CHD2: variants seen among roughly 807,000 people sequenced by gnomAD.
CHD2 encodes ATP-dependent chromatin remodeler CHD2.
A neutral mutation model predicts 243.9 loss-of-function variants in CHD2; 28 were observed. The ratio of observed to expected loss-of-function variants is 0.11; its 90% CI spans 0.09 to 0.16. CHD2 has a LOEUF of 0.16. Among genes scored for constraint, CHD2 ranks in the 10% least tolerant of loss-of-function variants. The probability of loss-of-function intolerance (pLI) is 1.00; values close to 1 mark genes in which losing one functional copy is unlikely to be tolerated. For missense variants in CHD2, 1,386 were observed against 2,209.8 expected (o/e 0.63, Z 7.47); for synonymous variants, 775 against 779.0 (o/e 0.99, Z 0.09).
chr15:92,984,648 G>T (rs1490888638), intron 25 of CHD2, 148 bp downstream of exon 25: 3 of 659,850 alleles, frequency 4.5e-6, no homozygotes, highest in Non-Finnish European at 4.5e-6. Context: ...CTTAACAAAG[G>T]AAAGTGGAGA....
chr15:92,906,037 TATTTAAG>T (rs2052615330), intron 2 of CHD2, among the ~76,000 whole-genome samples: 1 of 152,250 alleles, frequency 6.6e-6, no homozygotes, highest in Non-Finnish European at 1.5e-5. Flanking sequence ...ACTATTCTGT[TATTTAAG>T]ATATTTTAAC....
At chr15:92,946,286 T>C (rs1435885155) in intron 12 of CHD2, 70 bp downstream of exon 12, 3 of 1,208,450 alleles carry the variant, frequency 2.5e-6, no homozygotes, top group Non-Finnish European at 3.3e-6. Flanking sequence ...GACACATATG[T>C]GCTGAGAAAA....
intron 37 of CHD2, among the ~76,000 whole-genome samples, chr15:93,015,987 C>T (rs1017630074): frequency 1.3e-5 from 2 of 152,190 alleles, no homozygotes; most frequent in Non-Finnish European, 1.5e-5. Flanking sequence ...CCATATGATG[C>T]AGCAGTCCCT....
In CHD2 at chr15:93,020,300, A is replaced by C. The variant is rs529364587; in HGVS notation, c.5153+42A>C. 50 of 1,613,158 alleles carry C rather than the reference A, an allele frequency of 3.1e-5. 1 individual carries two copies. The South Asian group carries it at 5.1e-4, about 16-fold the overall frequency. On this transcript the variant is annotated intron_variant, in intron 38 of 38. Coordinates refer to ENST00000394196, the MANE Select transcript of CHD2 (RefSeq NM_001271.4). ...GAGACACCAGGTGCCAACCTTTGCC[A>C]GGAGCTGTTTCTAGGGAGAAAGTGA...
chr15:92,970,597 T>G (rs190275392), intron 17 of CHD2, among the ~76,000 whole-genome samples: 1 of 152,342 alleles, frequency 6.6e-6, no homozygotes, highest in African/African-American at 2.4e-5. Flanking sequence ...TTGAATATCC[T>G]CCTTTCTCTT....
intron 26 of CHD2, among the ~76,000 whole-genome samples, chr15:92,987,616 G>GA (rs34625310): frequency 1.5e-4 from 22 of 143,808 alleles, no homozygotes; most frequent in African/African-American, 4.4e-4. Flanking sequence ...AAAGAAGAAG[G>GA]AAAAAAAAAA....
Position 93,026,210 on chromosome 15 carries a change from C to T in CHD2, c.*1505C>T, listed in dbSNP as rs1193044011. 1 of 152,654 alleles carries T rather than the reference C, an allele frequency of 6.6e-6. No individual in the cohort carries two copies. The highest frequency in any genetic ancestry group is 1.5e-5 in the Non-Finnish European group (1 of 68,054). The allele number at this position is 152,654 out of a possible 1,614,324, so 9.5% of individuals were successfully genotyped here. A position where few individuals can be genotyped will look rare whatever the true frequency, so the allele number is the denominator to read the frequency against. The stretch of plus-strand genomic sequence containing the variant: ...ATGGAGACAGAATAACTGACTTGAA[C>T]ATACAGTGTGCCTGTAAGTGTCCAG... On this transcript the variant is annotated 3_prime_UTR_variant, in exon 39 of 39. Coordinates refer to ENST00000394196, the MANE Select transcript of CHD2 (RefSeq NM_001271.4).
chr15:92,996,840 TA>T, intron 28 of CHD2, 116 bp from the exon 29 acceptor site: 3 of 996,186 alleles, frequency 3.0e-6, no homozygotes, highest in Non-Finnish European at 4.2e-6. Flanking sequence ...ATCTTCAAAA[TA>T]ACAATAAGCC....
chr15:92,946,065 A>G lies in CHD2; in HGVS notation c.1226A>G (p.Asn409Ser), dbSNP rs2053463277. 2 of 1,597,946 alleles carry G rather than the reference A, an allele frequency of 1.3e-6. No individual in the cohort carries two copies. The highest frequency in any genetic ancestry group is 1.1e-5 in the South Asian group (1 of 88,332). Reference sequence around the variant, plus strand: ...CATAGTCGGAAGCCGGCACCCTCAAATGAGCCCGAATATCTATGTAAATGG... The same window carrying G: ...CATAGTCGGAAGCCGGCACCCTCAAGTGAGCCCGAATATCTATGTAAATGG... ...PAHSRKPAPS[N>S]EPEYLCKWMG... The change falls in exon 12 of 39, where the codon AAT becomes AGT. Residue 409 changes from asparagine (N) to serine (S), a missense_variant. Around this residue, in one of 19 missense-constraint regions of CHD2, gnomAD observed 200 missense variants for 292.5 expected, o/e 0.68. Transcript: ENST00000394196.
At chr15:92,923,937 TC>T (rs1366683537) in intron 2 of CHD2, among the ~76,000 whole-genome samples, 13 of 152,154 alleles carry the variant, frequency 8.5e-5, no homozygotes, top group African/African-American at 3.1e-4. Flanking sequence ...AGATAAGACT[TC>T]GTGGATTCAT....
At chr15:93,016,456 AACAATGTATTATAT>A (rs2054461502) in intron 37 of CHD2, among the ~76,000 whole-genome samples, 2 of 152,208 alleles carry the variant, frequency 1.3e-5, no homozygotes, top group Admixed American at 1.3e-4. Flanking sequence ...TGTAGTTAAT[AACAATGTATTATAT>A]AAGTGAGGTA....
chr15:93,009,121 C>G (rs751198263), intron 34 of CHD2, 24 bp from the exon 35 acceptor site: 2 of 1,611,440 alleles, frequency 1.2e-6, no homozygotes, highest in Admixed American at 1.7e-5. Context: ...TTGTTTATGT[C>G]TTTACTCTGT....
At chr15:92,974,726 C>G in intron 19 of CHD2, 153 bp from the exon 20 acceptor site, 1 of 625,158 alleles carries the variant, frequency 1.6e-6, no homozygotes, top group East Asian at 3.0e-5. Flanking sequence ...GGGTGTGCTT[C>G]TTAAGCACAG....
At chr15:92,908,854 C>T (rs2052672281) in intron 2 of CHD2, among the ~76,000 whole-genome samples, 1 of 152,144 alleles carries the variant, frequency 6.6e-6, no homozygotes, top group Non-Finnish European at 1.5e-5. Context: ...CGTGGTAGCT[C>T]ACTCCTGTAA....
In CHD2 at chr15:93,000,562, C is replaced by T. The variant is rs1356822558; in HGVS notation, c.4059C>T (p.Pro1353=). The change falls in exon 32 of 39, where the codon CCC becomes CCT. Residue 1353 remains proline (P), a synonymous_variant. Transcript: ENST00000394196. The stretch of plus-strand genomic sequence containing the variant: ...GGGTAAAGAAGGAAAACAAAGTGCC[C>T]AGGCTGAAAGAGGAGCATGGAATTG... ...KPRVKKENKV[P]RLKEEHGIEL... is the part of the protein sequence containing the mutation. 4 of 1,613,552 alleles carry T rather than the reference C, an allele frequency of 2.5e-6. No homozygotes were observed. The African/African-American group carries it at 4.0e-5, about 16-fold the overall frequency.
At chr15:92,901,943 C>G (rs768973268) in intron 2 of CHD2, 61 of 362,892 alleles carry the variant, frequency 1.7e-4, no homozygotes, top group South Asian at 1.5e-3. Context: ...GGTTAGAGTT[C>G]CTGCATTTAT....
In CHD2 at chr15:93,024,480, T is replaced by G; in HGVS notation, c.5262T>G (p.His1754Gln). Residue 1754 changes from histidine to glutamine, a missense_variant, in exon 39 of 39, where the codon CAT becomes CAG. His to Gln is a conservative substitution (Grantham distance 24, BLOSUM62 0). Coordinates refer to ENST00000394196, the MANE Select transcript of CHD2 (RefSeq NM_001271.4). ...MSDHRPAMGY[H>Q]GQGPSDHYRS... ...ATCACCGCCCCGCTATGGGCTACCA[T>G]GGCCAGGGACCCTCAGACCATTACC... 2 of 1,614,210 alleles carry G rather than the reference T, an allele frequency of 1.2e-6. No individual in the cohort carries two copies. The highest frequency in any genetic ancestry group is 1.7e-6 in the Non-Finnish European group (2 of 1,180,030).
chr15:92,960,829 C>T (rs1013279053), intron 16 of CHD2, among the ~76,000 whole-genome samples: 3 of 150,338 alleles, frequency 2.0e-5, no homozygotes, highest in Non-Finnish European at 4.4e-5. Flanking sequence ...TTTCTCATGC[C>T]TCAGCCTTCC....
At position 92,910,600 on chromosome 15, in the gene CHD2, C is replaced by T. The variant is rs186900627; in HGVS notation, c.62+9301C>T. 5.1e-3 allele frequency among the ~76,000 whole-genome samples: 769 copies of T among 152,132 alleles called. 6 individuals carry two copies. Among genetic ancestry groups the T allele is most frequent in the African/African-American group, 0.017 (706 of 41,496 alleles). Reference sequence around the variant, plus strand: ...TAGTAGAGATGGGATTTCACCATGTCGGTCAGGCTGGTCTCAGACTCCTGA... The same window carrying T: ...TAGTAGAGATGGGATTTCACCATGTTGGTCAGGCTGGTCTCAGACTCCTGA... On this transcript the variant is annotated intron_variant, in intron 2 of 38. Coordinates refer to ENST00000394196, the MANE Select transcript of CHD2 (RefSeq NM_001271.4).
Sources: allele counts gnomAD v4.1 joint callset (sites outside exome capture counted in the v4.1 genomes callset), GRCh38; gene constraint gnomAD v4.1.1; regional missense constraint gnomAD v4.1.1; transcripts MANE v1.5; gene names NCBI Gene and HGNC (gene_info 2026-07-23, HGNC 2026-07-21).